CEP72: variants seen among roughly 807,000 people sequenced by gnomAD.
CEP72 encodes centrosomal protein of 72 kDa.
A neutral mutation model predicts 65.7 loss-of-function variants in CEP72; 78 were observed. The ratio of observed to expected loss-of-function variants is 1.19; its 90% CI spans 0.99 to 1.43. CEP72 has a LOEUF of 1.43. CEP72 is among the 40% of genes most tolerant of loss of function. The pLI is 0.00. For missense variants in CEP72, 914 were observed against 832.9 expected (o/e 1.10, Z -1.20); for synonymous variants, 358 against 351.7 (o/e 1.02, Z -0.20).
rs747540335 is a variant in CEP72 at position 633,884 on chromosome 5, A to C, written c.628A>C (p.Arg210=). ...LIAECEWDLG[R]PPGSTSFSQK... is the part of the protein sequence containing the mutation. ...TGCAGAGTGCGAGTGGGACCTCGGCAGGCCTCCCGGGAGCACGAGCTTCAG... is the reference window on the plus strand; with the variant it reads ...TGCAGAGTGCGAGTGGGACCTCGGCCGGCCTCCCGGGAGCACGAGCTTCAG... Residue 210 remains arginine (R), a synonymous_variant, in exon 5 of 12, where the codon AGG becomes CGG. Transcript: ENST00000264935. The C allele has an allele frequency of 6.2e-6, 10 of 1,613,532 alleles. No homozygotes were observed. In the South Asian group the frequency reaches 9.9e-5, roughly 16 times the overall value.
Position 620,236 on chromosome 5 carries a change from C to T in CEP72, c.378C>T (p.His126=), listed in dbSNP as rs2126737255. The change falls in exon 3 of 12, where the codon CAC becomes CAT. Residue 126 remains histidine, a synonymous_variant. Coordinates refer to ENST00000264935, the MANE Select transcript of CEP72 (RefSeq NM_018140.4). ...VEPDYRLFVV[H]LLPKLQQLDD... is the part of the protein sequence containing the mutation. ...CTGACTACCGCCTTTTTGTTGTGCACCTGCTCCCCAAGCTCCAGCAGCTGG... is the reference window on the plus strand; with the variant it reads ...CTGACTACCGCCTTTTTGTTGTGCATCTGCTCCCCAAGCTCCAGCAGCTGG... The T allele has an allele frequency of 1.9e-6, 3 of 1,613,942 alleles. No individual in the cohort carries two copies. Among genetic ancestry groups the T allele is most frequent in the African/African-American group, 1.3e-5 (1 of 75,058 alleles).
chr5:659,211 C>T (rs913813697), downstream of CEP72, among the ~76,000 whole-genome samples: 34 of 152,380 alleles, frequency 2.2e-4, no homozygotes, highest in African/African-American at 5.3e-4. Context: ...GCGCGAGGCG[C>T]GCGTCCCTCT....
At chr5:629,488 T>C (rs1298560341) in intron 4 of CEP72, among the ~76,000 whole-genome samples, 20 of 116,508 alleles carry the variant, frequency 1.7e-4, no homozygotes, top group East Asian at 3.4e-4. Flanking sequence ...TTCTGTCCAG[T>C]GCCGGGATTT....
rs1241715263 is a variant in CEP72 at position 645,781 on chromosome 5, T to C, written c.1666+1356T>C. On this transcript the variant is annotated intron_variant, in intron 10 of 11. Coordinates refer to ENST00000264935, the MANE Select transcript of CEP72 (RefSeq NM_018140.4). The surrounding 1 kb of genome is among the most constrained non-coding windows in gnomAD (Gnocchi z 4.0). ...TCTTTGTTACTCGGTCTTAAATGTA[T>C]GCATAGCTCCCATTTATTTTAGTGT... Among the ~76,000 whole-genome samples, 1 of 152,278 alleles carries C rather than the reference T, an allele frequency of 6.6e-6. No homozygotes were observed. Among genetic ancestry groups the C allele is most frequent in the African/African-American group, 2.4e-5 (1 of 41,480 alleles).
At chr5:648,979 A>C (rs1313693156) in intron 11 of CEP72, among the ~76,000 whole-genome samples, 1 of 140,452 alleles carries the variant, frequency 7.1e-6, no homozygotes, top group Non-Finnish European at 1.5e-5. Flanking sequence ...GTGAGATGGG[A>C]CTGTGAGGTA....
rs766459342 is a variant in CEP72 at position 635,522 on chromosome 5, ACGGAG to A, written c.849_853del (p.Glu284ArgfsTer100). On this transcript the variant is annotated frameshift_variant, in exon 6 of 12. Transcript: ENST00000264935. LOFTEE classifies it high-confidence loss of function. ...CTCTGTGGAGAGCTTCCGCCACTGTACGGAGCGGAGCCAGAGGCCTCCCGTGCCCC... is the reference window on the plus strand; with the variant it reads ...CTCTGTGGAGAGCTTCCGCCACTGTACGGAGCCAGAGGCCTCCCGTGCCCC... 344 of 1,613,956 alleles carry A rather than the reference ACGGAG, an allele frequency of 2.1e-4. No individual in the cohort carries two copies. Among genetic ancestry groups the A allele is most frequent in the Middle Eastern group, 3.3e-4 (2 of 6,080 alleles).
downstream of CEP72, among the ~76,000 whole-genome samples, chr5:659,258 A>C (rs145380804): frequency 2.0e-3 from 300 of 152,374 alleles, 4 homozygotes; most frequent in Admixed American, 0.012. Context: ...GGGGTTCCCA[A>C]GTATTTTTAT....
chr5:660,957 A>T (rs1025079765), downstream of CEP72: 1 of 152,300 alleles, frequency 6.6e-6, no homozygotes, highest in African/African-American at 2.4e-5. Context: ...GGATATTAGA[A>T]GGTGTAAAAG....
chr5:663,099 T>C (rs1739730283), intron 1 of CEP72: 1 of 151,376 alleles, frequency 6.6e-6, no homozygotes, highest in Admixed American at 6.6e-5. Context: ...ATTGGGCGAT[T>C]CCGGTGGCCG....
At chr5:659,546 C>T (rs905132203), downstream of CEP72, among the ~76,000 whole-genome samples, 9 of 151,680 alleles carry the variant, frequency 5.9e-5, no homozygotes, top group African/African-American at 2.2e-4. Flanking sequence ...ATGACATTGT[C>T]CTGTTTTGGG....
intron 3 of CEP72, chr5:665,388 C>T (rs564545828): frequency 5.0e-5 from 60 of 1,211,710 alleles, no homozygotes; most frequent in South Asian, 4.1e-4. Flanking sequence ...GGTCTCCCAG[C>T]GGTGGGGCAC....
At chr5:634,641 C>T (rs1737467093) in intron 5 of CEP72, among the ~76,000 whole-genome samples, 1 of 152,144 alleles carries the variant, frequency 6.6e-6, no homozygotes, top group Admixed American at 6.5e-5. Flanking sequence ...TTTGCATCCG[C>T]TGCTGTTGAG....
At chr5:636,678 C>T (rs112074931) in intron 6 of CEP72, among the ~76,000 whole-genome samples, 1,932 of 151,914 alleles carry the variant, frequency 0.013, 16 homozygotes, top group Non-Finnish European at 0.018. Flanking sequence ...GGCATGGTGG[C>T]GGGCACCTAT....
chr5:650,062 CTG>C (rs1234676595), intron 11 of CEP72, among the ~76,000 whole-genome samples: 8 of 51,366 alleles, frequency 1.6e-4, no homozygotes, highest in African/African-American at 2.1e-4. Context: ...TGAGGTGTGA[CTG>C]TGAGGTGTGA....
downstream of CEP72, among the ~76,000 whole-genome samples, chr5:654,249 TGCTTGCTGTGTGTGTGTGCTTGTGC>T (rs1248386306): frequency 2.0e-5 from 3 of 149,482 alleles, no homozygotes; most frequent in South Asian, 2.1e-4. Context: ...TGTGTGTGCA[TGCTTGCTGTGTGTGTGTGCTTGTGC>T]GCTTGCTGTG....
chr5:617,324 G>A (rs1218424622), intron 1 of CEP72, among the ~76,000 whole-genome samples: 2 of 152,160 alleles, frequency 1.3e-5, no homozygotes, highest in Non-Finnish European at 2.9e-5. Flanking sequence ...AGGTTGAAAT[G>A]TGTCCTCTCC....
chr5:637,108 C>T (rs538712564), intron 6 of CEP72, among the ~76,000 whole-genome samples: 13 of 152,308 alleles, frequency 8.5e-5, no homozygotes, highest in Middle Eastern at 3.4e-3. Flanking sequence ...CACCACTTTA[C>T]GGACCATCAG....
chr5:643,463 C>T (rs533441387), intron 9 of CEP72: 9 of 985,372 alleles, frequency 9.1e-6, no homozygotes, highest in South Asian at 9.4e-5. Context: ...CCATGGGCGT[C>T]GGGGGCCTGG....
intron 6 of CEP72, among the ~76,000 whole-genome samples, chr5:637,059 T>C (rs1193155448): frequency 6.6e-6 from 1 of 152,142 alleles, no homozygotes; most frequent in East Asian, 1.9e-4. Context: ...GGGTCTTGTG[T>C]GTCCTGGGGG....
Sources: allele counts gnomAD v4.1 joint callset (sites outside exome capture counted in the v4.1 genomes callset), GRCh38; gene constraint gnomAD v4.1.1; non-coding constraint Gnocchi (gnomAD v3.1); transcripts MANE v1.5; gene names NCBI Gene and HGNC (gene_info 2026-07-23, HGNC 2026-07-21).